USP9X: variants seen among roughly 807,000 people sequenced by gnomAD.
The protein encoded by USP9X is ubiquitin specific peptidase 9 X-linked.
USP9X carries 7 observed loss-of-function variants against 190.3 expected under a neutral mutation model. The observed-to-expected ratio is 0.04, with a 90% CI of 0.02 to 0.07. The LOEUF (loss-of-function observed/expected upper bound fraction) is 0.07, where lower values mean the gene tolerates loss of function less well. USP9X is among the 10% of genes least tolerant of loss of function. The probability of loss-of-function intolerance (pLI) is 1.00; values close to 1 mark genes in which losing one functional copy is unlikely to be tolerated. For synonymous variants in USP9X, 645 were observed against 659.5 expected, an observed-to-expected ratio of 0.98 and a Z score of 0.34; for missense variants, 1,010 against 1,916.9, an observed-to-expected ratio of 0.53 and a Z score of 8.83.
chrX:41,188,028 G>A lies in USP9X; in HGVS notation c.3721G>A (p.Ala1241Thr). ...TATGCCTGATATTTGTGTAATTAGA[G>A]CTATACAAAAAATTATCTGGGCATC... Reference protein sequence around the residue: ...RYMPDICVIRAIQKIIWASGC... With the variant: ...RYMPDICVIRTIQKIIWASGC... The change falls in exon 25 of 45, where the codon GCT (alanine) becomes ACT (threonine). Residue 1241 changes from alanine (A) to threonine (T), a missense_variant. This residue lies in a region of USP9X where 351 missense variants were observed against 480.8 expected (regional missense o/e 0.73). Transcript: ENST00000378308. 8.3e-7 allele frequency: 1 copy of A among 1,208,390 alleles called. No homozygotes were observed.
chrX:41,224,933 T>C lies in USP9X; in HGVS notation c.6943T>C (p.Ser2315Pro). The change falls in exon 40 of 45, where the codon TCT becomes CCT. Residue 2315 changes from serine (S) to proline (P), a missense_variant. By Grantham distance (74) the Ser-to-Pro change is moderately conservative. This residue lies in a region of USP9X where 121 missense variants were observed against 281.2 expected (regional missense o/e 0.43). Transcript: ENST00000378308. ...FCCWENPQFS[S>P]TVLSELLWQV... Reference sequence around the variant, plus strand: ...CTGCTGGGAGAATCCTCAGTTCTCATCTACTGTCCTCAGTGAACTTCTCTG... The same window carrying C: ...CTGCTGGGAGAATCCTCAGTTCTCACCTACTGTCCTCAGTGAACTTCTCTG... The C allele has an allele frequency of 8.2e-7, 1 of 1,212,213 alleles. No homozygotes were observed. Among genetic ancestry groups the C allele is most frequent in the Non-Finnish European group, 1.1e-6 (1 of 895,578 alleles).
At chrX:41,209,910 CA>C (rs2147228571) in intron 32 of USP9X, among the ~76,000 whole-genome samples, 1 of 111,466 alleles carries the variant, frequency 9.0e-6, no homozygotes, top group Non-Finnish European at 1.9e-5. Flanking sequence ...TGATAGTTTC[CA>C]GCAGTGCCTG....
chrX:41,141,424 G>A lies in USP9X; in HGVS notation c.1154G>A (p.Arg385Gln). ...GAGGAAGAGTGGCTCACAGCTGAAC[G>A]AATGGCAGTGAGTCTTTCAGTTCTT... Reference protein sequence around the residue: ...PEEEEWLTAERMAEWIQQNNI... With the variant: ...PEEEEWLTAEQMAEWIQQNNI... The change falls in exon 9 of 45, where the codon CGA (arginine) becomes CAA (glutamine). Residue 385 changes from arginine to glutamine, a missense_variant. Arg to Gln is a conservative substitution (Grantham distance 43, BLOSUM62 1). Transcript: ENST00000378308. 2 of 1,176,053 alleles carry A rather than the reference G, an allele frequency of 1.7e-6. No individual in the cohort carries two copies. Among genetic ancestry groups the A allele is most frequent in the Non-Finnish European group, 2.3e-6 (2 of 880,508 alleles).
At chrX:41,201,467 G>A (rs2063041419) in intron 31 of USP9X, among the ~76,000 whole-genome samples, 187 bp downstream of exon 31, 2 of 111,387 alleles carry the variant, frequency 1.8e-5, no homozygotes, top group South Asian at 7.6e-4. Flanking sequence ...GCTTGAGCCT[G>A]GGAGCTGGAG....
chrX:41,149,131 A>G (rs1489724403), intron 12 of USP9X, among the ~76,000 whole-genome samples: 1 of 112,065 alleles, frequency 8.9e-6, no homozygotes, highest in Non-Finnish European at 1.9e-5. Context: ...AGCCAAGAAA[A>G]GCTCAGGAAG....
At chrX:41,141,883 T>A (rs771949303) in intron 9 of USP9X, among the ~76,000 whole-genome samples, 2 of 112,279 alleles carry the variant, frequency 1.8e-5, no homozygotes, top group Non-Finnish European at 3.8e-5. Context: ...TTGAGAATTT[T>A]ATTTTGAAAG....
chrX:41,105,720 CAT>C (rs1240607844), intron 1 of USP9X, among the ~76,000 whole-genome samples: 1 of 111,846 alleles, frequency 8.9e-6, no homozygotes, highest in Non-Finnish European at 1.9e-5. Context: ...GAGGAATCAC[CAT>C]ATGTTTTCCA....
intron 3 of USP9X, among the ~76,000 whole-genome samples, chrX:41,130,760 C>G (rs776049418): frequency 4.8e-5 from 5 of 103,930 alleles, no homozygotes; most frequent in Non-Finnish European, 9.8e-5. Flanking sequence ...GTGTCTCACT[C>G]TGTTGCCCAG....
At chrX:41,115,976 CTGCTGG>C (rs1184592119) in intron 1 of USP9X, among the ~76,000 whole-genome samples, 1 of 111,741 alleles carries the variant, frequency 8.9e-6, no homozygotes, top group Non-Finnish European at 1.9e-5. Flanking sequence ...TGTGTGAAAG[CTGCTGG>C]AGAAATTCAG....
In USP9X at chrX:41,189,311, C is replaced by T. The variant is rs1422208686; in HGVS notation, c.3813C>T (p.Thr1271=). Residue 1271 remains threonine, a splice_region_variant and synonymous_variant, in exon 26 of 45, where the codon ACC becomes ACT. Transcript: ENST00000378308. Reference sequence around the variant, plus strand: ...TGTTCTTGATTGTAATTTTACAGACCAATGCAGGCAATGAGCCAGACTTGG... The same window carrying T: ...TGTTCTTGATTGTAATTTTACAGACTAATGCAGGCAATGAGCCAGACTTGG... ...NEEITKIYEK[T]NAGNEPDLED... 5 of 1,203,738 alleles carry T rather than the reference C, an allele frequency of 4.2e-6. No individual in the cohort carries two copies. Among genetic ancestry groups the T allele is most frequent in the Non-Finnish European group, 4.5e-6 (4 of 891,623 alleles).
intron 21 of USP9X, among the ~76,000 whole-genome samples, chrX:41,183,550 AG>A (rs1046394108): frequency 8.0e-5 from 9 of 112,003 alleles, no homozygotes; most frequent in African/African-American, 2.9e-4. Flanking sequence ...TTTGCTTTTT[AG>A]GGTTCATTTT....
chrX:41,229,072 C>G (rs965684863), intron 41 of USP9X, 181 bp from the exon 42 acceptor site: 12 of 322,082 alleles, frequency 3.7e-5, no homozygotes, highest in African/African-American at 3.0e-4. Context: ...CCACTGCACT[C>G]CAGCCCAGGC....
chrX:41,175,149 A>G (rs755306691), intron 21 of USP9X, among the ~76,000 whole-genome samples: 1 of 111,750 alleles, frequency 8.9e-6, no homozygotes, highest in South Asian at 3.7e-4. Context: ...GGCCAGTGGG[A>G]GTCCTTTCAG....
At chrX:41,186,861 CTG>C (rs2062882435) in intron 24 of USP9X, among the ~76,000 whole-genome samples, 1 of 107,123 alleles carries the variant, frequency 9.3e-6, no homozygotes, top group Non-Finnish European at 1.9e-5. Context: ...GAGTCTCACT[CTG>C]TTGCCCAGGC....
chrX:41,177,829 G>C (rs1241837172), intron 21 of USP9X, among the ~76,000 whole-genome samples: 2 of 110,227 alleles, frequency 1.8e-5, no homozygotes, highest in Non-Finnish European at 3.8e-5. Context: ...TTTATTCATT[G>C]GGTTATAACC....
At position 41,224,673 on chromosome X, in the gene USP9X, G is replaced by A. The variant is rs2063297692; in HGVS notation, c.6752-69G>A. The A allele has an allele frequency of 2.2e-5, 20 of 927,555 alleles. 1 individual carries two copies. In the Middle Eastern group the frequency reaches 4.1e-3, roughly 188 times the overall value. The allele number at this position is 927,555 out of a possible 1,213,427, so 76.4% of individuals were successfully genotyped here. Reference sequence around the variant, plus strand: ...AAAAAATTATAGGCTATTTTCTATCGTGAAAGTTGTGTATTATTATTGTGA... The same window carrying A: ...AAAAAATTATAGGCTATTTTCTATCATGAAAGTTGTGTATTATTATTGTGA... On this transcript the variant is annotated intron_variant, in intron 39 of 44. Coordinates refer to ENST00000378308, the MANE Select transcript of USP9X (RefSeq NM_001039591.3).
At chrX:41,221,738 A>G (rs771009745) in intron 38 of USP9X, among the ~76,000 whole-genome samples, 85 of 111,582 alleles carry the variant, frequency 7.6e-4, no homozygotes, top group African/African-American at 2.7e-3. Flanking sequence ...AATACCATCT[A>G]GAAAGAGCAC....
chrX:41,170,993 T>C (rs997962934), intron 20 of USP9X, among the ~76,000 whole-genome samples: 2 of 111,786 alleles, frequency 1.8e-5, no homozygotes, highest in Middle Eastern at 4.6e-3. Context: ...CAACCAGATA[T>C]ACAAAAAGTT....
chrX:41,201,452 G>A (rs2063041199), intron 31 of USP9X, among the ~76,000 whole-genome samples, 172 bp downstream of exon 31: 2 of 111,824 alleles, frequency 1.8e-5, no homozygotes, highest in Non-Finnish European at 3.8e-5. Flanking sequence ...TGAGGCAGGA[G>A]GATTGCTTGA....
Sources: allele counts gnomAD v4.1 joint callset (sites outside exome capture counted in the v4.1 genomes callset), GRCh38; gene constraint gnomAD v4.1.1; regional missense constraint gnomAD v4.1.1; transcripts MANE v1.5; gene names NCBI Gene and HGNC (gene_info 2026-07-23, HGNC 2026-07-21).